ANKRD30BL: variants seen among roughly 807,000 people sequenced by gnomAD.
ANKRD30BL encodes the protein ankyrin repeat domain 30B like, also known as putative ankyrin repeat domain-containing protein 30B-like.
ANKRD30BL carries 20 observed loss-of-function variants against 18.4 expected under a neutral mutation model. The ratio of observed to expected loss-of-function variants is 1.09; its 90% CI spans 0.77 to 1.58. ANKRD30BL has a LOEUF of 1.58. Among genes scored for constraint, ANKRD30BL ranks in the 40% most tolerant of loss-of-function variants. The pLI is 0.00. For synonymous variants in ANKRD30BL, 72 were observed against 100.9 expected (o/e 0.71, Z 1.72); for missense variants, 224 against 268.6 (o/e 0.83, Z 1.16).
chr2:132,233,650 T>C (rs1332172158), intron 1 of ANKRD30BL, among the ~76,000 whole-genome samples: 32 of 151,342 alleles, frequency 2.1e-4, no homozygotes, highest in Admixed American at 1.9e-3. Context: ...CCTAAATCTA[T>C]ATGCACCCAA....
At chr2:132,233,862 C>G (rs1327623830) in intron 1 of ANKRD30BL, among the ~76,000 whole-genome samples, 1 of 151,808 alleles carries the variant, frequency 6.6e-6, no homozygotes, top group African/African-American at 2.4e-5. Context: ...GAACTCTCCA[C>G]CCCAAATCAA....
chr2:132,164,447 T>A (rs1319220269), upstream of ANKRD30BL, among the ~76,000 whole-genome samples: 1 of 151,828 alleles, frequency 6.6e-6, no homozygotes, highest in Non-Finnish European at 1.5e-5. Context: ...CCCGCCATCA[T>A]GCCCAGCTAA....
At chr2:132,232,967 C>T (rs1680062988) in intron 1 of ANKRD30BL, among the ~76,000 whole-genome samples, 1 of 152,028 alleles carries the variant, frequency 6.6e-6, no homozygotes, top group Non-Finnish European at 1.5e-5. Flanking sequence ...AGGAAGCCCA[C>T]CAGACTAACA....
chr2:132,202,534 T>A (rs1679128813), intron 1 of ANKRD30BL, among the ~76,000 whole-genome samples: 2 of 151,800 alleles, frequency 1.3e-5, no homozygotes, highest in South Asian at 4.1e-4. Flanking sequence ...CTGAATCCAA[T>A]TCAAATTTCA....
rs575294651 is a variant in ANKRD30BL at position 132,210,569 on chromosome 2, G to A, written n.441+46960C>T. On this transcript the variant is annotated intron_variant and non_coding_transcript_variant, in intron 1 of 4. Transcript: ENST00000470729. ...CATAAAAACTGGACAGAAGCATTCTGAGAAACTACTTTGTGATGTGTGCAT... is the reference window on the plus strand; with the variant it reads ...CATAAAAACTGGACAGAAGCATTCTAAGAAACTACTTTGTGATGTGTGCAT... 1.4e-4 allele frequency among the ~76,000 whole-genome samples: 22 copies of A among 152,010 alleles called. No homozygotes were observed. The South Asian group carries it at 4.6e-3, about 31-fold the overall frequency.
chr2:132,206,995 G>A (rs1487349783), intron 1 of ANKRD30BL, among the ~76,000 whole-genome samples: 1 of 152,064 alleles, frequency 6.6e-6, no homozygotes, highest in African/African-American at 2.4e-5. Context: ...CCCTTCTTAT[G>A]AGGATATCAA....
intron 1 of ANKRD30BL, among the ~76,000 whole-genome samples, chr2:132,182,865 T>A (rs2104948970): frequency 6.6e-6 from 1 of 152,282 alleles, no homozygotes; most frequent in East Asian, 1.9e-4. Context: ...CCTGAGTGAA[T>A]GACATAGAAC....
intron 4 of ANKRD30BL, among the ~76,000 whole-genome samples, chr2:132,153,314 A>G (rs1687812065): frequency 6.6e-6 from 1 of 152,186 alleles, no homozygotes; most frequent in Non-Finnish European, 1.5e-5. Flanking sequence ...CAAATAACTA[A>G]TTAGAAAAAC....
At chr2:132,176,254 G>A (rs1469751822) in intron 1 of ANKRD30BL, among the ~76,000 whole-genome samples, 1 of 151,674 alleles carries the variant, frequency 6.6e-6, no homozygotes, top group Non-Finnish European at 1.5e-5. Context: ...AACAGGCTGG[G>A]CACGGTGGTT....
At chr2:132,222,829 C>CAAGAAAAAAAA in intron 1 of ANKRD30BL, among the ~76,000 whole-genome samples, 1 of 4,118 alleles carries the variant, frequency 2.4e-4, no homozygotes. Flanking sequence ...CAAGAATGAT[C>CAAGAAAAAAAA]AATAAAAAAA....
chr2:132,235,940 A>G (rs1419229012), intron 1 of ANKRD30BL, among the ~76,000 whole-genome samples: 1 of 152,140 alleles, frequency 6.6e-6, no homozygotes, highest in South Asian at 2.1e-4. Context: ...TTCAAACTAT[A>G]CTGCAAAGCT....
At chr2:132,188,066 G>C (rs1056074640) in intron 1 of ANKRD30BL, among the ~76,000 whole-genome samples, 9 of 152,152 alleles carry the variant, frequency 5.9e-5, no homozygotes, top group African/African-American at 2.2e-4. Context: ...TTTTTATTAG[G>C]GATGTCATTT....
intron 1 of ANKRD30BL, among the ~76,000 whole-genome samples, chr2:132,205,324 G>A (rs1679189240): frequency 6.6e-6 from 1 of 151,588 alleles, no homozygotes; most frequent in African/African-American, 2.4e-5. Context: ...TAAAAAGAAA[G>A]CATGGGCTGG....
chr2:132,207,006 C>A (rs1679224424), intron 1 of ANKRD30BL, among the ~76,000 whole-genome samples: 1 of 152,144 alleles, frequency 6.6e-6, no homozygotes, highest in South Asian at 2.1e-4. Context: ...AGGATATCAA[C>A]CATACTGAAT....
intron 4 of ANKRD30BL, chr2:132,152,671 AGATCTGGTAACAAAGACAAAATG>A (rs1687790966): frequency 6.6e-6 from 1 of 152,218 alleles, no homozygotes; most frequent in African/African-American, 2.4e-5. Context: ...CCAGGGATAT[AGATCTGGTAACAAAGACAAAATG>A]GATCTCTAAT....
chr2:132,194,686 C>T (rs112000084), intron 1 of ANKRD30BL, among the ~76,000 whole-genome samples: 2,383 of 152,312 alleles, frequency 0.016, 66 homozygotes, highest in African/African-American at 0.054. Flanking sequence ...CTGCTTCCTC[C>T]TTCTTCCCTC....
chr2:132,160,184 C>T (rs1688015691), intron 1 of ANKRD30BL, among the ~76,000 whole-genome samples: 1 of 152,042 alleles, frequency 6.6e-6, no homozygotes, highest in African/African-American at 2.4e-5. Flanking sequence ...TCACTGCAAC[C>T]TCCGCCTCCC....
At chr2:132,214,311 G>A (rs1201066777) in intron 1 of ANKRD30BL, among the ~76,000 whole-genome samples, 1 of 151,918 alleles carries the variant, frequency 6.6e-6, no homozygotes, top group African/African-American at 2.4e-5. Context: ...TGAGGCCTAT[G>A]TTGGAAAAGG....
At chr2:132,253,883 C>T (rs1298713181) in intron 1 of ANKRD30BL, among the ~76,000 whole-genome samples, 6 of 152,090 alleles carry the variant, frequency 3.9e-5, no homozygotes, top group Admixed American at 1.3e-4. Flanking sequence ...CGGGCCGGGC[C>T]GGGCCAGTGG....
Sources: gnomAD v4.1 joint callset for allele counts (sites outside exome capture counted in the v4.1 genomes callset) on GRCh38, gnomAD v4.1.1 for gene constraint, MANE v1.5 for transcripts, NCBI Gene and HGNC (gene_info 2026-07-23, HGNC 2026-07-21) for gene names.